The following CSTPP1 variants were observed in gnomAD, a reference collection of about 807,000 sequenced individuals.
CSTPP1 encodes UPF0705 protein C11orf49.
chr11:47,151,605 A>C, the CSTPP1 span, among the ~76,000 whole-genome samples: 1 of 151,276 alleles, frequency 6.6e-6, no homozygotes, highest in Non-Finnish European at 1.5e-5. Flanking sequence ...GGCGGGGGGA[A>C]GTTTCCAGGA....
chr11:47,155,245 C>G, the CSTPP1 span: 1 of 1,613,768 alleles, frequency 6.2e-7, no homozygotes, highest in East Asian at 2.2e-5. Context: ...CCTTCCAGAT[C>G]CAGTTTTACT....
the CSTPP1 span, among the ~76,000 whole-genome samples, chr11:46,951,601 T>C: frequency 6.6e-5 from 10 of 152,208 alleles, no homozygotes; most frequent in South Asian, 6.2e-4. Flanking sequence ...TTTTAATATA[T>C]AGAAGATAAT....
At chr11:47,058,159 C>T in the CSTPP1 span, among the ~76,000 whole-genome samples, 1 of 152,086 alleles carries the variant, frequency 6.6e-6, no homozygotes, top group Non-Finnish European at 1.5e-5. Context: ...CAGAGCAAAA[C>T]CCTGTCTCTA....
At chr11:46,938,415 C>T in the CSTPP1 span, among the ~76,000 whole-genome samples, 1 of 149,986 alleles carries the variant, frequency 6.7e-6, no homozygotes, top group Non-Finnish European at 1.5e-5. Flanking sequence ...CATTAGGGTT[C>T]TTTGTGTTGT....
the CSTPP1 span, among the ~76,000 whole-genome samples, chr11:47,083,769 G>C: frequency 5.2e-3 from 791 of 152,286 alleles, 10 homozygotes; most frequent in African/African-American, 0.018. Flanking sequence ...CCACATTGTG[G>C]AATGTATCAG....
chr11:47,107,974 C>A, the CSTPP1 span, among the ~76,000 whole-genome samples: 1 of 152,266 alleles, frequency 6.6e-6, no homozygotes, highest in Non-Finnish European at 1.5e-5. Flanking sequence ...CCTTCCACAA[C>A]TTCTGCATGT....
the CSTPP1 span, among the ~76,000 whole-genome samples, chr11:46,959,389 C>T: frequency 1.3e-5 from 2 of 152,124 alleles, no homozygotes; most frequent in Admixed American, 1.3e-4. Context: ...TAGGGCACCT[C>T]TGTCTTCAAA....
At chr11:46,943,949 A>T in the CSTPP1 span, among the ~76,000 whole-genome samples, 1 of 152,190 alleles carries the variant, frequency 6.6e-6, no homozygotes, top group Non-Finnish European at 1.5e-5. Context: ...TGAGCCCAGG[A>T]GGTCAAGGCT....
the CSTPP1 span, among the ~76,000 whole-genome samples, chr11:47,142,260 G>A: frequency 1.2e-4 from 17 of 147,044 alleles, no homozygotes; most frequent in Middle Eastern, 3.5e-3. Flanking sequence ...AAAAAAAAGT[G>A]TTTTTTTTGT....
At chr11:47,043,273 G>A in the CSTPP1 span, among the ~76,000 whole-genome samples, 3 of 152,170 alleles carry the variant, frequency 2.0e-5, no homozygotes, top group Non-Finnish European at 4.4e-5. Context: ...GCCAGGTGCG[G>A]TGGTGCACAC....
At chr11:47,075,319 C>T in the CSTPP1 span, among the ~76,000 whole-genome samples, 3 of 152,048 alleles carry the variant, frequency 2.0e-5, no homozygotes, top group African/African-American at 4.8e-5. Context: ...TGCAGTGAGC[C>T]GAGATCGCAG....
At chr11:47,054,806 G>T in the CSTPP1 span, among the ~76,000 whole-genome samples, 1 of 152,154 alleles carries the variant, frequency 6.6e-6, no homozygotes, top group Non-Finnish European at 1.5e-5. Context: ...ATAGGATTTG[G>T]TGATTGGATT....
chr11:47,019,198 C>T, the CSTPP1 span, among the ~76,000 whole-genome samples: 7 of 152,018 alleles, frequency 4.6e-5, no homozygotes, highest in African/African-American at 1.2e-4. Context: ...TTAGTAGAGA[C>T]GGGGTTTCAC....
chr11:47,155,155 G>A, the CSTPP1 span: 1 of 1,593,904 alleles, frequency 6.3e-7, no homozygotes, highest in East Asian at 2.2e-5. Flanking sequence ...CTCTCTCTCA[G>A]ATTCTCTCTT....
chr11:47,074,460 A>G, the CSTPP1 span, among the ~76,000 whole-genome samples: 1 of 150,132 alleles, frequency 6.7e-6, no homozygotes, highest in Non-Finnish European at 1.5e-5. Context: ...TGATCATGCC[A>G]CTGCATTTCA....
the CSTPP1 span, among the ~76,000 whole-genome samples, chr11:46,993,343 GTTTTCTTTTC>G: frequency 3.3e-5 from 5 of 150,306 alleles, no homozygotes; most frequent in South Asian, 1.0e-3. Context: ...TATTGCCTAG[GTTTTCTTTTC>G]TTTTCTTTTC....
At chr11:47,065,616 C>T in the CSTPP1 span, among the ~76,000 whole-genome samples, 2 of 152,198 alleles carry the variant, frequency 1.3e-5, no homozygotes, top group South Asian at 4.1e-4. Context: ...GTATACAAGT[C>T]TGTCACCTCC....
chr11:47,096,775 C>T, the CSTPP1 span, among the ~76,000 whole-genome samples: 1 of 141,818 alleles, frequency 7.1e-6, no homozygotes. Flanking sequence ...TCAATTATGT[C>T]ATTCTAAACA....
the CSTPP1 span, chr11:47,161,706 A>G: frequency 1.3e-6 from 2 of 1,529,648 alleles, no homozygotes; most frequent in South Asian, 1.3e-5. Flanking sequence ...GTGCCCACCC[A>G]GCCTCCTCTC....
Sources: gnomAD v4.1 joint callset for allele counts (sites outside exome capture counted in the v4.1 genomes callset) on GRCh38, gnomAD v4.1.1 for gene constraint, MANE v1.5 for transcripts, NCBI Gene and HGNC (gene_info 2026-07-23, HGNC 2026-07-21) for gene names.